Variants in COL4A4 observed in about 807,000 individuals in gnomAD.
COL4A4 encodes the protein collagen type IV alpha 4 chain.
A neutral mutation model predicts 192.9 loss-of-function variants in COL4A4; 105 were observed. The observed-to-expected ratio is 0.54, with a 90% CI of 0.46 to 0.64. The LOEUF (loss-of-function observed/expected upper bound fraction) is 0.64, where lower values mean the gene tolerates loss of function less well. COL4A4 is among the 30% of genes least tolerant of loss of function. The pLI is 0.00. For missense variants in COL4A4, 1,967 were observed against 2,169.3 expected (o/e 0.91, Z 1.85); for synonymous variants, 762 against 769.9 (o/e 0.99, Z 0.17).
intron 3 of COL4A4, among the ~76,000 whole-genome samples, chr2:227,142,195 G>T (rs2063264320): frequency 6.6e-6 from 1 of 151,318 alleles, no homozygotes; most frequent in Non-Finnish European, 1.5e-5. Flanking sequence ...CCTCTGCAAA[G>T]TTATTCTACG....
intron 3 of COL4A4, among the ~76,000 whole-genome samples, chr2:227,140,895 AC>A (rs2063160150): frequency 6.6e-6 from 1 of 150,948 alleles, no homozygotes; most frequent in Non-Finnish European, 1.5e-5. Flanking sequence ...ACACACACAC[AC>A]ACACACACAC....
At chr2:227,025,653 G>A in intron 43 of COL4A4, 149 bp downstream of exon 43, 2 of 691,026 alleles carry the variant, frequency 2.9e-6, no homozygotes, top group Non-Finnish European at 5.0e-6. Context: ...TAACGAGGAA[G>A]CAAAACACTG....
chr2:227,057,251 A>G (rs957576253), intron 29 of COL4A4, among the ~76,000 whole-genome samples, 188 bp downstream of exon 29: 1 of 152,188 alleles, frequency 6.6e-6, no homozygotes, highest in African/African-American at 2.4e-5. Flanking sequence ...AGCCCACTAC[A>G]TTGCCCCATA....
At chr2:227,137,943 C>T (rs1250289461) in intron 4 of COL4A4, among the ~76,000 whole-genome samples, 2 of 151,784 alleles carry the variant, frequency 1.3e-5, no homozygotes, top group African/African-American at 4.8e-5. Flanking sequence ...CACATTTACA[C>T]AAAAAAGCTA....
At chr2:227,052,531 T>C (rs1974343012) in intron 31 of COL4A4, 119 bp from the exon 32 acceptor site, 2 of 704,952 alleles carry the variant, frequency 2.8e-6, no homozygotes, top group African/African-American at 1.7e-5. Context: ...GCTCTATTTA[T>C]GTAGATCACA....
At chr2:227,141,713 A>T (rs1034883087) in intron 3 of COL4A4, among the ~76,000 whole-genome samples, 17 of 152,230 alleles carry the variant, frequency 1.1e-4, no homozygotes, top group African/African-American at 3.1e-4. Flanking sequence ...TAAGTTTAAA[A>T]ATGTATTTGA....
rs146936947 is a variant in COL4A4 at position 227,152,791 on chromosome 2, A to G, written c.-101-5207T>C. ...ACAAAAATACCCCATCACTCAGAAG[A>G]GCATTCCACTCATCTACCTTCCCAC... is the stretch of plus-strand genomic sequence containing the variant. On this transcript the variant is annotated intron_variant, in intron 1 of 47. Coordinates refer to ENST00000396625, the MANE Select transcript of COL4A4 (RefSeq NM_000092.5). Among the ~76,000 whole-genome samples, 761 of 152,330 alleles carry G rather than the reference A, an allele frequency of 5.0e-3. 10 individuals carry two copies. The highest frequency in any genetic ancestry group is 0.018 in the African/African-American group (735 of 41,574).
chr2:227,027,183 C>T (rs1022617810), intron 42 of COL4A4, among the ~76,000 whole-genome samples: 4 of 148,330 alleles, frequency 2.7e-5, no homozygotes, highest in South Asian at 2.1e-4. Context: ...ACCCAGGAGG[C>T]GGAGGCTGCA....
chr2:227,152,958 A>G (rs2064059164), intron 1 of COL4A4, among the ~76,000 whole-genome samples: 1 of 152,210 alleles, frequency 6.6e-6, no homozygotes, highest in Admixed American at 6.5e-5. Flanking sequence ...GGTAATTTGT[A>G]AAGGAAAGGG....
chr2:227,102,517 C>G (rs1242662994), intron 15 of COL4A4, among the ~76,000 whole-genome samples: 2 of 152,232 alleles, frequency 1.3e-5, no homozygotes, highest in African/African-American at 2.4e-5. Flanking sequence ...AAGCTACTTT[C>G]CTACTGGCAC....
At position 227,007,496 on chromosome 2, in the gene COL4A4, G is replaced by A. The variant is rs201403370; in HGVS notation, c.4902C>T (p.Cys1634=). The change falls in exon 48 of 48, where the codon TGC becomes TGT. Residue 1634 remains cysteine, a synonymous_variant. Transcript: ENST00000396625. ...EDFRAAPFLE[C]QGRQGTCHFF... is the part of the protein sequence containing the mutation. ...AGTGGCAAGTTCCCTGCCGGCCCTG[G>A]CATTCAAGGAATGGTGCTGCTCTGA... The A allele has an allele frequency of 1.2e-6, 2 of 1,614,086 alleles. No individual in the cohort carries two copies. The highest frequency in any genetic ancestry group is 8.5e-7 in the Non-Finnish European group (1 of 1,180,020).
At chr2:227,060,028 C>T in intron 27 of COL4A4, 108 bp downstream of exon 27, 1 of 769,342 alleles carries the variant, frequency 1.3e-6, no homozygotes, top group Non-Finnish European at 2.2e-6. Context: ...CTAGGGATCC[C>T]TGGACCATTT....
At chr2:227,065,990 G>T (rs921286636) in intron 25 of COL4A4, among the ~76,000 whole-genome samples, 1 of 152,198 alleles carries the variant, frequency 6.6e-6, no homozygotes, top group African/African-American at 2.4e-5. Context: ...GAATTTAGAA[G>T]AATGTATAAC....
intron 36 of COL4A4, 128 bp from the exon 37 acceptor site, chr2:227,042,383 A>C: frequency 1.5e-6 from 1 of 665,444 alleles, no homozygotes; most frequent in Non-Finnish European, 2.7e-6. Flanking sequence ...CTTCCTATAC[A>C]TCTTAACTCT....
intron 1 of COL4A4, among the ~76,000 whole-genome samples, chr2:227,160,875 A>G (rs901835129): frequency 6.6e-6 from 1 of 152,210 alleles, no homozygotes; most frequent in Non-Finnish European, 1.5e-5. Context: ...TGAGTTGGTA[A>G]TCACTCAGAT....
intron 42 of COL4A4, among the ~76,000 whole-genome samples, chr2:227,026,374 T>A (rs1208748334): frequency 2.0e-5 from 3 of 151,748 alleles, no homozygotes; most frequent in African/African-American, 4.8e-5. Context: ...GGCGGGCGCC[T>A]GTAGTCCCAG....
At position 227,012,393 on chromosome 2, in the gene COL4A4, A is replaced by G. The variant is rs1963933653; in HGVS notation, c.4217-96T>C. On this transcript the variant is annotated intron_variant, in intron 44 of 47. Coordinates refer to ENST00000396625, the MANE Select transcript of COL4A4 (RefSeq NM_000092.5). ...CGTATGCCAGCCGTGTGCCAGCCCCAGGCTTCCTTCCCACTTTGACTGAAT... is the reference window on the plus strand; with the variant it reads ...CGTATGCCAGCCGTGTGCCAGCCCCGGGCTTCCTTCCCACTTTGACTGAAT... The G allele has an allele frequency of 6.4e-6, 6 of 940,842 alleles. No homozygotes were observed. In the South Asian group the frequency reaches 7.9e-5, roughly 12 times the overall value. The allele number at this position is 940,842 out of a possible 1,614,324, so 58.3% of individuals were successfully genotyped here.
At position 227,077,878 on chromosome 2, in the gene COL4A4, A is replaced by T. The variant is rs532962885; in HGVS notation, c.1987+16T>A. On this transcript the variant is annotated intron_variant, in intron 25 of 47. Transcript: ENST00000396625. The stretch of plus-strand genomic sequence containing the variant: ...CCCCAAAGCTATTGAAATAAATAAA[A>T]TTTTTTTAAAATTACCTTTCTGACC... The T allele has an allele frequency of 1.3e-4, 203 of 1,606,998 alleles. No homozygotes were observed. The highest frequency in any genetic ancestry group is 2.9e-4 in the South Asian group (26 of 90,508).
intron 28 of COL4A4, among the ~76,000 whole-genome samples, chr2:227,058,680 A>G (rs1351007806): frequency 6.6e-6 from 1 of 152,202 alleles, no homozygotes; most frequent in Non-Finnish European, 1.5e-5. Flanking sequence ...ATCACCCAAG[A>G]GGCCCACTGA....
Sources: gnomAD v4.1 joint callset for allele counts (sites outside exome capture counted in the v4.1 genomes callset) on GRCh38, gnomAD v4.1.1 for gene constraint, MANE v1.5 for transcripts, NCBI Gene and HGNC (gene_info 2026-07-23, HGNC 2026-07-21) for gene names.